The following CDH18 variants were observed in gnomAD, a reference collection of about 807,000 sequenced individuals.
CDH18 encodes cadherin-18.
CDH18 carries 31 observed loss-of-function variants against 67.9 expected under a neutral mutation model. The ratio of observed to expected loss-of-function variants is 0.46; its 90% confidence interval spans 0.34 to 0.62. The LOEUF (loss-of-function observed/expected upper bound fraction) is 0.62. CDH18 is among the 20% of genes least tolerant of loss of function. The pLI is 0.01. For synonymous variants in CDH18, 362 were observed against 347.2 expected (o/e 1.04, Z -0.48); for missense variants, 890 against 975.5 (o/e 0.91, Z 1.17).
At chr5:20,044,260 C>T (rs1263188185) in intron 2 of CDH18, among the ~76,000 whole-genome samples, 2 of 151,874 alleles carry the variant, frequency 1.3e-5, no homozygotes, top group African/African-American at 2.4e-5. Flanking sequence ...ATAATGAAGA[C>T]ATGATTCATG....
intron 1 of CDH18, among the ~76,000 whole-genome samples, chr5:20,551,802 CA>C (rs1243992605): frequency 2.0e-5 from 3 of 151,686 alleles, no homozygotes; most frequent in African/African-American, 7.3e-5. Context: ...TTTTTAAGGG[CA>C]AAAAATGTGT....
chr5:19,681,264 T>A (rs1760276874), intron 5 of CDH18, among the ~76,000 whole-genome samples: 1 of 151,604 alleles, frequency 6.6e-6, no homozygotes, highest in Admixed American at 6.6e-5. Context: ...AGACAGAGGA[T>A]CAAAAACTAC....
At chr5:19,536,636 C>T (rs1749463370) in intron 9 of CDH18, among the ~76,000 whole-genome samples, 1 of 152,056 alleles carries the variant, frequency 6.6e-6, no homozygotes, top group African/African-American at 2.4e-5. Context: ...TGTTTCTTAA[C>T]CTTAACTTTA....
intron 1 of CDH18, among the ~76,000 whole-genome samples, chr5:20,383,631 T>C (rs1002592844): frequency 6.6e-6 from 1 of 152,176 alleles, no homozygotes; most frequent in Non-Finnish European, 1.5e-5. Flanking sequence ...TACTATTGTA[T>C]TGCAATGCTC....
At chr5:20,316,981 C>T (rs796661145) in intron 1 of CDH18, among the ~76,000 whole-genome samples, 137 of 151,706 alleles carry the variant, frequency 9.0e-4, no homozygotes, top group African/African-American at 3.1e-3. Context: ...AAGATAAAAA[C>T]ATAAGGAATC....
intron 1 of CDH18, 88 bp downstream of exon 1, chr5:19,987,998 T>C (rs1799738342): frequency 6.6e-6 from 1 of 152,136 alleles, no homozygotes; most frequent in Admixed American, 6.6e-5. Context: ...CCAATATTGC[T>C]TTGACTCAGA....
At chr5:20,395,750 G>T (rs1745228286) in intron 1 of CDH18, among the ~76,000 whole-genome samples, 1 of 152,224 alleles carries the variant, frequency 6.6e-6, no homozygotes, top group African/African-American at 2.4e-5. Context: ...CAAAGTGTGA[G>T]CTGCTTGCCA....
chr5:20,506,797 T>G (rs1754689341), intron 1 of CDH18, among the ~76,000 whole-genome samples: 1 of 152,258 alleles, frequency 6.6e-6, no homozygotes, highest in Admixed American at 6.5e-5. Context: ...TTTGTCATTT[T>G]TTCTACCAAG....
At chr5:19,566,627 T>A (rs1371424574) in intron 8 of CDH18, among the ~76,000 whole-genome samples, 1 of 152,062 alleles carries the variant, frequency 6.6e-6, no homozygotes, top group Non-Finnish European at 1.5e-5. Context: ...GAGAACACTA[T>A]GGAGGAAACC....
At chr5:19,647,443 T>G (rs992056417) in intron 5 of CDH18, among the ~76,000 whole-genome samples, 1 of 135,680 alleles carries the variant, frequency 7.4e-6, no homozygotes, top group Non-Finnish European at 1.5e-5. Flanking sequence ...GGCAGGAGAA[T>G]CACTTGAACC....
intron 2 of CDH18, among the ~76,000 whole-genome samples, chr5:19,969,322 G>A (rs1337448495): frequency 4.2e-5 from 6 of 142,318 alleles, no homozygotes; most frequent in Non-Finnish European, 4.4e-5. Context: ...AATACCATTT[G>A]ACCCAGCCAT....
At chr5:20,428,992 A>G (rs1406577582) in intron 1 of CDH18, among the ~76,000 whole-genome samples, 1 of 152,146 alleles carries the variant, frequency 6.6e-6, no homozygotes, top group Non-Finnish European at 1.5e-5. Context: ...TCATTTCCCA[A>G]GGGAGAATGC....
chr5:19,743,768 A>G (rs1467221624), intron 4 of CDH18, among the ~76,000 whole-genome samples: 1 of 151,234 alleles, frequency 6.6e-6, no homozygotes, highest in African/African-American at 2.5e-5. Context: ...TAAAATTACA[A>G]ACTTTAGCTG....
intron 2 of CDH18, among the ~76,000 whole-genome samples, chr5:19,876,363 A>C (rs967549708): frequency 6.6e-6 from 1 of 152,138 alleles, no homozygotes; most frequent in Non-Finnish European, 1.5e-5. Flanking sequence ...CTCCAGATGT[A>C]GTTATGGAAG....
intron 1 of CDH18, among the ~76,000 whole-genome samples, chr5:20,402,012 C>G (rs1399693621): frequency 6.6e-6 from 1 of 152,084 alleles, no homozygotes; most frequent in African/African-American, 2.4e-5. Flanking sequence ...TCTAGCATGG[C>G]TCTTTTTATC....
At chr5:20,367,555 G>T (rs1742628108) in intron 1 of CDH18, among the ~76,000 whole-genome samples, 1 of 152,090 alleles carries the variant, frequency 6.6e-6, no homozygotes, top group Non-Finnish European at 1.5e-5. Context: ...AATTTTCTGT[G>T]TACAATATTT....
chr5:19,646,967 G>A (rs1754842196), intron 5 of CDH18, among the ~76,000 whole-genome samples: 1 of 152,086 alleles, frequency 6.6e-6, no homozygotes, highest in Non-Finnish European at 1.5e-5. Context: ...GCTGTTAATT[G>A]GAAGGGAGAA....
intron 2 of CDH18, among the ~76,000 whole-genome samples, chr5:20,099,630 CTTTG>C (rs1476835102): frequency 6.6e-6 from 1 of 151,974 alleles, no homozygotes; most frequent in Non-Finnish European, 1.5e-5. Context: ...TAACAATTAG[CTTTG>C]TTTATTAATT....
intron 2 of CDH18, among the ~76,000 whole-genome samples, chr5:20,057,980 G>A (rs75645005): frequency 0.012 from 1,759 of 152,120 alleles, 39 homozygotes; most frequent in African/African-American, 0.04. Context: ...AAAGAAAGCC[G>A]TCATTAGGAT....
Sources: allele counts gnomAD v4.1 joint callset (sites outside exome capture counted in the v4.1 genomes callset), GRCh38; gene constraint gnomAD v4.1.1; transcripts MANE v1.5; gene names NCBI Gene and HGNC (gene_info 2026-07-23, HGNC 2026-07-21).